Variants in CCBE1 observed in about 807,000 individuals in gnomAD.
CCBE1 encodes the protein collagen and calcium-binding EGF domain-containing protein 1.
CCBE1 carries 37 observed loss-of-function variants against 50.0 expected under a neutral mutation model. That is an observed-to-expected ratio of 0.74 (90% CI 0.57 to 0.97). The LOEUF is 0.97. Among genes scored for constraint, CCBE1 ranks in the 50% least tolerant of loss-of-function variants. The pLI is 0.00. For missense variants in CCBE1, 538 were observed against 523.8 expected, an observed-to-expected ratio of 1.03 and a Z score of -0.26; for synonymous variants, 234 against 203.7, an observed-to-expected ratio of 1.15 and a Z score of -1.27.
At chr18:59,623,331 A>G (rs2053737002) in intron 2 of CCBE1, among the ~76,000 whole-genome samples, 1 of 152,172 alleles carries the variant, frequency 6.6e-6, no homozygotes, top group Non-Finnish European at 1.5e-5. Flanking sequence ...TCCTCCCTTA[A>G]TCAGTCAGGT....
At chr18:59,664,400 G>A (rs1384925665) in intron 2 of CCBE1, among the ~76,000 whole-genome samples, 1 of 152,128 alleles carries the variant, frequency 6.6e-6, no homozygotes, top group Non-Finnish European at 1.5e-5. Context: ...GGCAACTGAG[G>A]ATAAAGTAAA....
chr18:59,522,993 C>CTAAAAA (rs1914669526), intron 2 of CCBE1, among the ~76,000 whole-genome samples: 1 of 89,220 alleles, frequency 1.1e-5, no homozygotes, highest in Admixed American at 1.3e-4. Flanking sequence ...GACTCTGTTT[C>CTAAAAA]AAAAAAAAAA....
rs2052943061 is a variant in CCBE1, at chr18:59,573,284, A to ATATATATATAT, written c.213-93047_213-93046insATATATATATA. 3.3e-4 allele frequency among the ~76,000 whole-genome samples: 31 copies of ATATATATATAT among 93,726 alleles called. 1 individual carries two copies. The highest frequency in any genetic ancestry group is 5.6e-3 in the Middle Eastern group (1 of 178). The allele number at this position is 93,726 out of a possible 152,430, so 61.5% of individuals were successfully genotyped here. A position where few individuals can be genotyped will look rare whatever the true frequency, so the allele number is the denominator to read the frequency against. ...TGGGCAATATAGTGAGACTCCGTCT[A>ATATATATATAT]ATATATATATATATATATGTATGTA... is the stretch of plus-strand genomic sequence containing the variant. On this transcript the variant is annotated intron_variant, in intron 2 of 10. Coordinates refer to ENST00000439986, the MANE Select transcript of CCBE1 (RefSeq NM_133459.4).
At chr18:59,602,778 T>C (rs1449287584) in intron 2 of CCBE1, among the ~76,000 whole-genome samples, 1 of 150,880 alleles carries the variant, frequency 6.6e-6, no homozygotes, top group Non-Finnish European at 1.5e-5. Flanking sequence ...TGAACAAGGG[T>C]TAAGTGCCAG....
At chr18:59,556,117 G>T (rs1469997102) in intron 2 of CCBE1, among the ~76,000 whole-genome samples, 1 of 152,148 alleles carries the variant, frequency 6.6e-6, no homozygotes, top group Non-Finnish European at 1.5e-5. Context: ...CCTCCTTCCT[G>T]ATATCCAGCC....
In CCBE1 at chr18:59,680,078, G is replaced by A. The variant is rs551760573; in HGVS notation, c.212+16551C>T. ...TCTACTAAAAATACAAAAATCAGCC[G>A]GGCATGGTGGCGCATGCCTGTAATC... On this transcript the variant is annotated intron_variant, in intron 2 of 10. Transcript: ENST00000439986. Among the ~76,000 whole-genome samples, 8 of 152,144 alleles carry A rather than the reference G, an allele frequency of 5.3e-5. No homozygotes were observed. In the South Asian group the frequency reaches 1.7e-3, roughly 32 times the overall value.
chr18:59,595,428 AC>A (rs1411432104), intron 2 of CCBE1, among the ~76,000 whole-genome samples: 1 of 152,184 alleles, frequency 6.6e-6, no homozygotes, highest in Non-Finnish European at 1.5e-5. Context: ...TAATGGTAAT[AC>A]CAACCCTGTG....
intron 4 of CCBE1, among the ~76,000 whole-genome samples, chr18:59,467,720 G>A (rs554972689): frequency 1.2e-4 from 18 of 152,280 alleles, no homozygotes; most frequent in East Asian, 3.9e-4. Context: ...GGTGGGAGCC[G>A]TGGCATGCAG....
At chr18:59,516,300 T>C (rs1914370783) in intron 2 of CCBE1, among the ~76,000 whole-genome samples, 1 of 152,044 alleles carries the variant, frequency 6.6e-6, no homozygotes, top group Admixed American at 6.6e-5. Flanking sequence ...GATACCATGA[T>C]GCCAAGGAAA....
intron 2 of CCBE1, among the ~76,000 whole-genome samples, chr18:59,505,755 C>T (rs1913841960): frequency 1.3e-5 from 2 of 152,314 alleles, no homozygotes; most frequent in South Asian, 2.1e-4. Context: ...GGCTCATTTT[C>T]CTGGCAGCTA....
intron 5 of CCBE1, 77 bp downstream of exon 5, chr18:59,466,662 A>G (rs1008202548): frequency 2.2e-6 from 2 of 902,970 alleles, no homozygotes; most frequent in African/African-American, 3.4e-5. Context: ...TATATAATAT[A>G]TAAACCCCCA....
chr18:59,476,708 T>A (rs987972351), intron 3 of CCBE1, among the ~76,000 whole-genome samples: 2 of 152,228 alleles, frequency 1.3e-5, no homozygotes, highest in East Asian at 3.9e-4. Flanking sequence ...CACTCATTAG[T>A]TAACGTATTT....
intron 2 of CCBE1, among the ~76,000 whole-genome samples, chr18:59,547,054 G>A (rs9319953): frequency 0.028 from 2,741 of 98,618 alleles, 187 homozygotes; most frequent in African/African-American, 0.11. Context: ...GGAGAGAGGG[G>A]GAGAGAGGGG....
intron 9 of CCBE1, among the ~76,000 whole-genome samples, 187 bp downstream of exon 9, chr18:59,439,356 T>G (rs972495490): frequency 5.9e-5 from 9 of 151,782 alleles, no homozygotes; most frequent in Admixed American, 2.0e-4. Context: ...TCCCAGCTGC[T>G]TGGGAGGCTG....
chr18:59,543,576 C>T (rs781153284), intron 2 of CCBE1, among the ~76,000 whole-genome samples: 22 of 152,120 alleles, frequency 1.4e-4, no homozygotes, highest in Non-Finnish European at 1.5e-4. Context: ...TGGCTCACGT[C>T]TGAAATCCCA....
chr18:59,582,195 A>C (rs1393177773), intron 2 of CCBE1, among the ~76,000 whole-genome samples: 1 of 152,156 alleles, frequency 6.6e-6, no homozygotes, highest in Non-Finnish European at 1.5e-5. Context: ...GGTTCGAGTC[A>C]AAAGCAACTT....
intron 5 of CCBE1, among the ~76,000 whole-genome samples, chr18:59,460,967 A>ATAAATAAAT (rs1911442378): frequency 1.4e-5 from 2 of 146,752 alleles, no homozygotes; most frequent in South Asian, 4.3e-4. Context: ...AAATAAATAA[A>ATAAATAAAT]TAATAAAATA....
At chr18:59,655,395 C>T (rs899080986) in intron 2 of CCBE1, among the ~76,000 whole-genome samples, 8 of 152,134 alleles carry the variant, frequency 5.3e-5, no homozygotes, top group South Asian at 4.1e-4. Flanking sequence ...GAGACAGAGG[C>T]TGAGCCACTG....
intron 2 of CCBE1, among the ~76,000 whole-genome samples, chr18:59,635,079 A>C (rs1017233375): frequency 1.4e-4 from 21 of 152,366 alleles, no homozygotes; most frequent in Admixed American, 1.2e-3. Flanking sequence ...CCTAGATATA[A>C]GCAAAGTAAA....
Sources: gnomAD v4.1 joint callset for allele counts (sites outside exome capture counted in the v4.1 genomes callset) on GRCh38, gnomAD v4.1.1 for gene constraint, MANE v1.5 for transcripts, NCBI Gene and HGNC (gene_info 2026-07-23, HGNC 2026-07-21) for gene names.